The following NINL variants were observed in gnomAD, a reference collection of about 807,000 sequenced individuals.
NINL encodes the protein ninein like.
Under a neutral mutation model 160.3 loss-of-function variants are expected in NINL, and 153 were observed. The observed-to-expected ratio is 0.95, with a 90% CI of 0.84 to 1.09. The LOEUF (loss-of-function observed/expected upper bound fraction) is 1.09. Ranked by LOEUF, NINL falls within the 50% of genes least tolerant of loss-of-function variation. NINL has a pLI of 0.00. For synonymous variants in NINL, 800 were observed against 734.8 expected (o/e 1.09, Z -1.43); for missense variants, 1,829 against 1,764.0 (o/e 1.04, Z -0.66).
At chr20:25,533,517 A>AG (rs1436738952) in intron 1 of NINL, among the ~76,000 whole-genome samples, 3 of 152,216 alleles carry the variant, frequency 2.0e-5, no homozygotes, top group Non-Finnish European at 4.4e-5. Flanking sequence ...AAAATGAGAG[A>AG]GAAAAAAAGG....
intron 1 of NINL, among the ~76,000 whole-genome samples, chr20:25,530,759 G>C (rs1158392446): frequency 6.6e-6 from 1 of 152,042 alleles, no homozygotes; most frequent in African/African-American, 2.4e-5. Context: ...GAATAGGTGT[G>C]GGTCACAGAG....
chr20:25,526,272 A>T lies in NINL; in HGVS notation c.180+136T>A. ...ATGTAGAATTTCCATAGAGGGAAAA[A>T]CTAGGACACTGTTCCATTTGCTAAT... On this transcript the variant is annotated intron_variant, in intron 2 of 23. Transcript: ENST00000278886. The T allele has an allele frequency of 3.9e-6, 3 of 774,868 alleles. No homozygotes were observed. In the South Asian group the frequency reaches 6.6e-5, roughly 17 times the overall value. 48.0% of individuals were successfully genotyped at this position (774,868 alleles called of 1,614,324 possible).
intron 22 of NINL, among the ~76,000 whole-genome samples, chr20:25,456,992 T>C (rs565455712): frequency 6.6e-6 from 1 of 152,012 alleles, no homozygotes; most frequent in African/African-American, 2.4e-5. Flanking sequence ...ACAGTGACTG[T>C]GGGTAACCTT....
chr20:25,484,698 T>G (rs1268215448), intron 13 of NINL, among the ~76,000 whole-genome samples: 1 of 152,184 alleles, frequency 6.6e-6, no homozygotes, highest in East Asian at 1.9e-4. Context: ...AGAATGCCAA[T>G]GGCATGGACA....
At chr20:25,478,093 C>T (rs550403289) in intron 16 of NINL, among the ~76,000 whole-genome samples, 27 of 151,908 alleles carry the variant, frequency 1.8e-4, no homozygotes, top group African/African-American at 5.8e-4. Flanking sequence ...GGATTACAGG[C>T]GCCTGCTACC....
At chr20:25,553,024 A>G (rs2064823234) in intron 1 of NINL, among the ~76,000 whole-genome samples, 1 of 151,040 alleles carries the variant, frequency 6.6e-6, no homozygotes, top group Non-Finnish European at 1.5e-5. Flanking sequence ...ACGCAAGGGC[A>G]CTGGTGCAGC....
intron 18 of NINL, among the ~76,000 whole-genome samples, chr20:25,469,540 T>C (rs945658080): frequency 3.3e-5 from 5 of 151,330 alleles, no homozygotes; most frequent in Non-Finnish European, 5.9e-5. Context: ...CCCCAGCTCT[T>C]GTTCACTGAA....
chr20:25,494,002 G>A (rs1253828261), intron 10 of NINL, among the ~76,000 whole-genome samples: 3 of 151,958 alleles, frequency 2.0e-5, no homozygotes, highest in African/African-American at 7.3e-5. Flanking sequence ...CACCACCACA[G>A]CCACAGGAGC....
chr20:25,467,538 A>G, intron 18 of NINL, 80 bp from the exon 19 acceptor site: 1 of 1,085,170 alleles, frequency 9.2e-7, no homozygotes, highest in Non-Finnish European at 1.4e-6. Context: ...CCAGGGTAAG[A>G]GCAGCATGGG....
intron 14 of NINL, among the ~76,000 whole-genome samples, chr20:25,480,790 C>T (rs1046443407): frequency 1.5e-4 from 23 of 152,336 alleles, no homozygotes; most frequent in African/African-American, 5.1e-4. Context: ...CTGGAATTAG[C>T]GCTCTGAGAC....
At chr20:25,473,679 C>T (rs28434576) in intron 17 of NINL, among the ~76,000 whole-genome samples, 10 of 28,122 alleles carry the variant, frequency 3.6e-4, no homozygotes, top group Middle Eastern at 0.018. Flanking sequence ...CACACATACA[C>T]ACACACACAC....
rs147806825 is a variant in NINL at position 25,474,057 on chromosome 20, C to T, written c.3248+1986G>A. Among the ~76,000 whole-genome samples, 209 of 152,304 alleles carry T rather than the reference C, an allele frequency of 1.4e-3. 1 individual carries two copies. Among genetic ancestry groups the T allele is most frequent in the African/African-American group, 4.7e-3 (196 of 41,562 alleles). ...CACAGCAGGGGGAATGAAGGCTGCT[C>T]GTTCTCTGACTGTAGATTATTCTGG... On this transcript the variant is annotated intron_variant, in intron 17 of 23. Coordinates refer to ENST00000278886, the MANE Select transcript of NINL (RefSeq NM_025176.6).
chr20:25,464,462 A>C (rs556262403), intron 19 of NINL, among the ~76,000 whole-genome samples: 2 of 152,268 alleles, frequency 1.3e-5, no homozygotes, highest in East Asian at 3.9e-4. Context: ...CAAACTCTTC[A>C]TTTGGAAATA....
At chr20:25,505,950 T>G (rs773182099) in intron 5 of NINL, among the ~76,000 whole-genome samples, 7 of 152,242 alleles carry the variant, frequency 4.6e-5, no homozygotes, top group Non-Finnish European at 1.0e-4. Flanking sequence ...CCTTCTATGG[T>G]CAGCCATGCA....
chr20:25,481,548 G>C (rs1464114279), intron 14 of NINL, among the ~76,000 whole-genome samples: 2 of 152,186 alleles, frequency 1.3e-5, no homozygotes, highest in Non-Finnish European at 2.9e-5. Context: ...GTCAGACTTG[G>C]GGGGTGGTGC....
intron 1 of NINL, among the ~76,000 whole-genome samples, chr20:25,561,606 A>C (rs1462744851): frequency 1.3e-5 from 2 of 149,202 alleles, no homozygotes; most frequent in African/African-American, 5.0e-5. Flanking sequence ...CTTCCCGGCC[A>C]CCATCCCATC....
At position 25,526,507 on chromosome 20, in the gene NINL, C is replaced by T. The variant is rs768676949; in HGVS notation, c.81G>A (p.Leu27=). 9.3e-6 allele frequency: 15 copies of T among 1,614,240 alleles called. No individual in the cohort carries two copies. The South Asian group carries it at 1.1e-4, about 12-fold the overall frequency. ...SSCDTTGTGF[L]DRQELTQLCL... ...AGAGCTGGGTCAGCTCCTGGCGGTC[C>T]AGAAAGCCAGTCCCCGTGGTGTCGC... Residue 27 remains leucine, a synonymous_variant, in exon 2 of 24, where the codon CTG becomes CTA. Transcript: ENST00000278886.
rs758547877 is a variant in NINL at position 25,496,722 on chromosome 20, A to G, written c.1251T>C (p.Phe417=). The G allele has an allele frequency of 6.2e-7, 1 of 1,613,994 alleles. No homozygotes were observed. The highest frequency in any genetic ancestry group is 1.3e-5 in the African/African-American group (1 of 74,994). The part of the protein sequence containing the change: ...LERAEKRNLE[F]VKEMDDCHST... ...AGTGGCAGTCGTCCATCTCTTTCAC[A>G]AACTCCAGGTTCCTCTTCTCGGCCC... Residue 417 remains phenylalanine, a synonymous_variant, in exon 10 of 24, where the codon TTT becomes TTC. Coordinates refer to ENST00000278886, the MANE Select transcript of NINL (RefSeq NM_025176.6).
chr20:25,573,605 G>A (rs1041271801), intron 1 of NINL, among the ~76,000 whole-genome samples: 6 of 152,222 alleles, frequency 3.9e-5, no homozygotes, highest in African/African-American at 1.4e-4. Flanking sequence ...AGAGGATTCA[G>A]AATTGCCTGT....
Sources: gnomAD v4.1 joint callset for allele counts (sites outside exome capture counted in the v4.1 genomes callset) on GRCh38, gnomAD v4.1.1 for gene constraint, MANE v1.5 for transcripts, NCBI Gene and HGNC (gene_info 2026-07-23, HGNC 2026-07-21) for gene names.